Variants in ERICH1 observed in about 807,000 individuals in gnomAD.
ERICH1 encodes the protein glutamate rich 1.
In ERICH1, 56 loss-of-function variants were observed where a neutral mutation model predicts 39.6. The ratio of observed to expected loss-of-function variants is 1.41; its 90% confidence interval spans 1.14 to 1.77. The LOEUF is 1.77. Ranked by LOEUF, ERICH1 falls within the 40% of genes most tolerant of loss-of-function variation. ERICH1 has a pLI of 0.00. For missense variants in ERICH1, 826 were observed against 575.4 expected (o/e 1.44, Z -4.45); for synonymous variants, 313 against 223.6 (o/e 1.40, Z -3.57).
intron 3 of ERICH1, among the ~76,000 whole-genome samples, chr8:619,327 C>G (rs994121724): frequency 6.6e-6 from 1 of 152,268 alleles, no homozygotes; most frequent in East Asian, 1.9e-4. Context: ...CTATCTCACA[C>G]AAGGGGATTC....
intron 1 of ERICH1, among the ~76,000 whole-genome samples, chr8:724,978 T>C (rs1390346303): frequency 6.6e-6 from 1 of 152,186 alleles, no homozygotes; most frequent in African/African-American, 2.4e-5. Flanking sequence ...CGAAGGACCA[T>C]GTGGTCCTTT....
At chr8:635,233 A>G (rs1454142783) in intron 3 of ERICH1, among the ~76,000 whole-genome samples, 1 of 152,172 alleles carries the variant, frequency 6.6e-6, no homozygotes, top group Non-Finnish European at 1.5e-5. Context: ...GCCAGGAAAT[A>G]CACATCCGAG....
chr8:630,257 T>G (rs1384256138), intron 3 of ERICH1, among the ~76,000 whole-genome samples: 1 of 106,262 alleles, frequency 9.4e-6, no homozygotes, highest in Admixed American at 1.0e-4. Flanking sequence ...ACTCACACCC[T>G]CCCGTGACCA....
At chr8:702,316 G>A (rs888089992) in intron 2 of ERICH1, among the ~76,000 whole-genome samples, 8 of 152,238 alleles carry the variant, frequency 5.3e-5, no homozygotes, top group East Asian at 1.9e-4. Flanking sequence ...TGTATTAACC[G>A]GGGCCTGGAG....
In ERICH1 at chr8:647,964, G is replaced by A. The variant is rs1429757464; in HGVS notation, c.976+20634C>T. ...AACTCACTGCATCAGTTACTGAAAG[G>A]AGGAGGGCGGAATGGACATGAGGAC... On this transcript the variant is annotated intron_variant, in intron 3 of 3. Transcript: ENST00000522706. Among the ~76,000 whole-genome samples the A allele has an allele frequency of 5.9e-5, 4 of 67,864 alleles. 2 individuals carry two copies. The highest frequency in any genetic ancestry group is 9.1e-5 in the Non-Finnish European group (2 of 22,052). 44.5% of individuals were successfully genotyped at this position (67,864 alleles called of 152,430 possible).
intron 3 of ERICH1, among the ~76,000 whole-genome samples, chr8:635,568 T>C (rs1798364082): frequency 6.6e-6 from 1 of 152,198 alleles, no homozygotes; most frequent in Non-Finnish European, 1.5e-5. Context: ...GTGGTCGACC[T>C]GGACGTAGTG....
chr8:700,291 GCCCGGACACGCGCACAGA>G (rs1811677683), intron 2 of ERICH1, among the ~76,000 whole-genome samples: 8 of 55,156 alleles, frequency 1.5e-4, no homozygotes, highest in Non-Finnish European at 3.0e-4. Flanking sequence ...ACCCGCACAG[GCCCGGACACGCGCACAGA>G]CCCGCACACG....
intron 3 of ERICH1, among the ~76,000 whole-genome samples, chr8:650,370 C>T (rs889840903): frequency 6.6e-6 from 1 of 152,252 alleles, no homozygotes; most frequent in African/African-American, 2.4e-5. Flanking sequence ...TTCCTTTTTC[C>T]TGCCCTGGGG....
chr8:662,811 A>G (rs1669682), downstream of ERICH1, among the ~76,000 whole-genome samples: 2,468 of 152,176 alleles, frequency 0.016, 66 homozygotes, highest in African/African-American at 0.053. Flanking sequence ...CTGTGGGAAG[A>G]GCGGCTCCTG....
At chr8:618,750 G>A (rs985998501) in intron 3 of ERICH1, among the ~76,000 whole-genome samples, 13 of 152,064 alleles carry the variant, frequency 8.5e-5, no homozygotes, top group African/African-American at 2.9e-4. Flanking sequence ...ACCTGGTGTC[G>A]TGGACTACCC....
At chr8:702,474 G>A (rs187865506) in intron 2 of ERICH1, among the ~76,000 whole-genome samples, 1 of 152,276 alleles carries the variant, frequency 6.6e-6, no homozygotes, top group Non-Finnish European at 1.5e-5. Flanking sequence ...GACACACAAA[G>A]ACAGCAGAGA....
In ERICH1 at chr8:616,711, T is replaced by C. The variant is rs73525321; in HGVS notation, c.977-1427A>G. On this transcript the variant is annotated intron_variant, in intron 3 of 3. Transcript: ENST00000522706. Reference sequence around the variant, plus strand: ...AGACAGAGAGGGACAGGGAGAGAGATAGAGACACTCAGAGAGATAGGGAAG... The same window carrying C: ...AGACAGAGAGGGACAGGGAGAGAGACAGAGACACTCAGAGAGATAGGGAAG... The C allele has an allele frequency of 6.2e-3, 2,452 of 395,110 alleles. 61 individuals carry two copies. Among genetic ancestry groups the C allele is most frequent in the African/African-American group, 0.055 (2,206 of 40,148 alleles). 24.5% of individuals were successfully genotyped at this position (395,110 alleles called of 1,614,324 possible).
chr8:664,134 G>C, downstream of ERICH1: 1 of 629,928 alleles, frequency 1.6e-6, no homozygotes, highest in Non-Finnish European at 2.0e-6. Flanking sequence ...ATCGAAACAG[G>C]AAAAACAGGT....
At chr8:655,594 C>G (rs1219751006) in intron 3 of ERICH1, among the ~76,000 whole-genome samples, 1 of 152,140 alleles carries the variant, frequency 6.6e-6, no homozygotes, top group East Asian at 1.9e-4. Flanking sequence ...GGGGATCATT[C>G]TGGGGGCATG....
intron 1 of ERICH1, among the ~76,000 whole-genome samples, chr8:729,530 C>A (rs1021173437): frequency 1.3e-5 from 2 of 152,238 alleles, no homozygotes; most frequent in African/African-American, 4.8e-5. Context: ...ATCCTCCCTT[C>A]AGTGCCTCTC....
At chr8:700,373 G>C (rs111273531) in intron 2 of ERICH1, among the ~76,000 whole-genome samples, 11,881 of 65,862 alleles carry the variant, frequency 0.18, 3,860 homozygotes, top group East Asian at 0.66. Context: ...GCCCGCACAG[G>C]CGCACAGGCC....
chr8:719,484 G>A (rs1224214163), intron 1 of ERICH1, among the ~76,000 whole-genome samples: 2 of 152,218 alleles, frequency 1.3e-5, no homozygotes, highest in East Asian at 1.9e-4. Context: ...TGACGCCCGC[G>A]GTCGCCCGCA....
chr8:727,050 C>T (rs919967329), intron 1 of ERICH1, among the ~76,000 whole-genome samples: 12 of 151,458 alleles, frequency 7.9e-5, no homozygotes, highest in Non-Finnish European at 1.3e-4. Context: ...CAGGCACATA[C>T]ACATGCACAC....
intron 3 of ERICH1, among the ~76,000 whole-genome samples, chr8:629,256 G>A (rs539098622): frequency 4.8e-4 from 73 of 152,212 alleles, no homozygotes; most frequent in Admixed American, 1.8e-3. Flanking sequence ...GGATGCAGGT[G>A]GAACACACAG....
Sources: allele counts gnomAD v4.1 joint callset (sites outside exome capture counted in the v4.1 genomes callset), GRCh38; gene constraint gnomAD v4.1.1; transcripts MANE v1.5; gene names NCBI Gene and HGNC (gene_info 2026-07-23, HGNC 2026-07-21).